KCNB2: variants seen among roughly 807,000 people sequenced by gnomAD.
The protein encoded by KCNB2 is potassium voltage-gated channel subfamily B member 2.
Under a neutral mutation model 61.5 loss-of-function variants are expected in KCNB2, and 15 were observed. That is an observed-to-expected ratio of 0.24 (90% CI 0.16 to 0.38). The LOEUF (loss-of-function observed/expected upper bound fraction) is 0.38, where lower values mean the gene tolerates loss of function less well. Among genes scored for constraint, KCNB2 ranks in the 10% least tolerant of loss-of-function variants. KCNB2 has a pLI of 1.00. For missense variants in KCNB2, 828 were observed against 1,125.2 expected (o/e 0.74, Z 3.78); for synonymous variants, 457 against 446.0 (o/e 1.02, Z -0.31).
intron 2 of KCNB2, among the ~76,000 whole-genome samples, chr8:72,667,685 T>C (rs55908584): frequency 0.029 from 4,424 of 152,148 alleles, 99 homozygotes; most frequent in Middle Eastern, 0.082. Flanking sequence ...CCAGCCCCAT[T>C]TAAATCACCA....
At chr8:72,666,652 G>GTT (rs35646824) in intron 2 of KCNB2, among the ~76,000 whole-genome samples, 9 of 119,198 alleles carry the variant, frequency 7.6e-5, no homozygotes, top group Admixed American at 8.2e-5. Context: ...AAAATAAAAA[G>GTT]TTTTTTTTTT....
At chr8:72,686,431 T>C (rs1254077379) in intron 2 of KCNB2, among the ~76,000 whole-genome samples, 1 of 152,106 alleles carries the variant, frequency 6.6e-6, no homozygotes, top group Non-Finnish European at 1.5e-5. Flanking sequence ...TACTGGCCCC[T>C]CTGACTCCTG....
intron 2 of KCNB2, among the ~76,000 whole-genome samples, chr8:72,662,833 A>G (rs947048961): frequency 2.0e-5 from 3 of 152,188 alleles, no homozygotes; most frequent in Non-Finnish European, 4.4e-5. Flanking sequence ...AGTAAGTGAG[A>G]TTTTCATAAT....
intron 2 of KCNB2, among the ~76,000 whole-genome samples, chr8:72,692,890 A>G (rs932046085): frequency 2.6e-5 from 4 of 151,528 alleles, no homozygotes; most frequent in Non-Finnish European, 5.9e-5. Context: ...TGAACTAAGA[A>G]CAAAGCCTAG....
At chr8:72,904,367 G>C (rs761267368) in intron 2 of KCNB2, among the ~76,000 whole-genome samples, 9 of 152,088 alleles carry the variant, frequency 5.9e-5, no homozygotes, top group African/African-American at 1.4e-4. Flanking sequence ...TTTAACACAG[G>C]GGGTAGAAGG....
intron 2 of KCNB2, among the ~76,000 whole-genome samples, chr8:72,754,462 G>C (rs887542164): frequency 6.6e-6 from 1 of 152,116 alleles, no homozygotes; most frequent in African/African-American, 2.4e-5. Context: ...CCTGAGGGAG[G>C]GGACCCTTCC....
At chr8:72,597,235 C>A (rs185619587) in intron 2 of KCNB2, among the ~76,000 whole-genome samples, 1 of 152,060 alleles carries the variant, frequency 6.6e-6, no homozygotes, top group South Asian at 2.1e-4. Flanking sequence ...GGGGTTTCAC[C>A]GTGTTGGCCA....
intron 2 of KCNB2, among the ~76,000 whole-genome samples, chr8:72,638,923 C>A (rs1806010284): frequency 6.6e-6 from 1 of 152,120 alleles, no homozygotes; most frequent in South Asian, 2.1e-4. Context: ...TGCTTCCAAG[C>A]ATTTCAGACA....
At chr8:72,614,958 G>T (rs967985422) in intron 2 of KCNB2, among the ~76,000 whole-genome samples, 2 of 152,084 alleles carry the variant, frequency 1.3e-5, no homozygotes, top group African/African-American at 4.8e-5. Context: ...TTGTCCCTGG[G>T]AGGCAGGACC....
chr8:72,561,755 A>ACG (rs1806530338), intron 1 of KCNB2, among the ~76,000 whole-genome samples: 3 of 23,586 alleles, frequency 1.3e-4, no homozygotes, highest in African/African-American at 1.1e-3. Flanking sequence ...ATGTATATAT[A>ACG]TATATGGATA....
chr8:72,848,203 A>G (rs946683124), intron 2 of KCNB2, among the ~76,000 whole-genome samples: 3 of 152,232 alleles, frequency 2.0e-5, no homozygotes, highest in African/African-American at 7.2e-5. Context: ...ATAATAGGTC[A>G]TAAAGTTTAG....
chr8:72,730,842 A>G (rs1412562098), intron 2 of KCNB2, among the ~76,000 whole-genome samples: 1 of 152,190 alleles, frequency 6.6e-6, no homozygotes, highest in African/African-American at 2.4e-5. Context: ...TTTTTAAGAA[A>G]TTGTTCAGAT....
At chr8:72,721,935 C>T (rs922003674) in intron 2 of KCNB2, among the ~76,000 whole-genome samples, 3 of 152,182 alleles carry the variant, frequency 2.0e-5, no homozygotes, top group Non-Finnish European at 2.9e-5. Flanking sequence ...GCAAGCTGTC[C>T]GAGACTAAAT....
At chr8:72,874,202 A>G (rs576376263) in intron 2 of KCNB2, among the ~76,000 whole-genome samples, 1 of 152,274 alleles carries the variant, frequency 6.6e-6, no homozygotes, top group East Asian at 1.9e-4. Flanking sequence ...TAATTTTTTA[A>G]AAAATCTTTA....
At chr8:72,619,120 G>GT (rs1012808729) in intron 2 of KCNB2, 42 of 294,876 alleles carry the variant, frequency 1.4e-4, no homozygotes, top group South Asian at 1.9e-4. Flanking sequence ...GTTGCAGTTA[G>GT]TTTTTTTTCA....
intron 2 of KCNB2, among the ~76,000 whole-genome samples, chr8:72,800,735 T>A (rs1389074177): frequency 6.6e-6 from 1 of 152,220 alleles, no homozygotes; most frequent in Non-Finnish European, 1.5e-5. Flanking sequence ...AGGAGGCAAT[T>A]GGCTGCCGTT....
intron 2 of KCNB2, among the ~76,000 whole-genome samples, chr8:72,746,624 G>A (rs796565674): frequency 2.6e-5 from 4 of 152,228 alleles, no homozygotes; most frequent in African/African-American, 9.6e-5. Context: ...CACAGAAACT[G>A]CCTTCTGTGC....
chr8:72,635,933 A>G (rs946091108), intron 2 of KCNB2, among the ~76,000 whole-genome samples: 1 of 152,154 alleles, frequency 6.6e-6, no homozygotes, highest in Non-Finnish European at 1.5e-5. Flanking sequence ...GCAAATTTTA[A>G]TTCCTTTGTG....
At chr8:72,852,757 T>C (rs1810140683) in intron 2 of KCNB2, among the ~76,000 whole-genome samples, 1 of 151,276 alleles carries the variant, frequency 6.6e-6, no homozygotes, top group Non-Finnish European at 1.5e-5. Flanking sequence ...AAAGTTTTAA[T>C]TGTCCATCAT....
Sources: allele counts gnomAD v4.1 joint callset (sites outside exome capture counted in the v4.1 genomes callset), GRCh38; gene constraint gnomAD v4.1.1; transcripts MANE v1.5; gene names NCBI Gene and HGNC (gene_info 2026-07-23, HGNC 2026-07-21).